PRELID2: variants seen among roughly 807,000 people sequenced by gnomAD.
PRELID2 encodes PRELI domain-containing protein 2.
A neutral mutation model predicts 28.4 loss-of-function variants in PRELID2; 25 were observed. That is an observed-to-expected ratio of 0.88 (90% CI 0.64 to 1.23). The LOEUF is 1.23. Among genes scored for constraint, PRELID2 ranks in the 50% most tolerant of loss-of-function variants. The probability of loss-of-function intolerance (pLI) is 0.00; values close to 1 mark genes in which losing one functional copy is unlikely to be tolerated. For missense variants in PRELID2, 201 were observed against 214.4 expected, an observed-to-expected ratio of 0.94 and a Z score of 0.39; for synonymous variants, 76 against 71.6, an observed-to-expected ratio of 1.06 and a Z score of -0.31.
At chr5:145,755,639 C>T (rs766070426), downstream of PRELID2, among the ~76,000 whole-genome samples, 27 of 152,178 alleles carry the variant, frequency 1.8e-4, no homozygotes, top group Admixed American at 3.3e-4. Flanking sequence ...TTTGATAGAG[C>T]TTATTCTGAG....
chr5:145,604,902 T>A (rs1753478672), intron 1 of PRELID2, among the ~76,000 whole-genome samples: 1 of 143,454 alleles, frequency 7.0e-6, no homozygotes, highest in Non-Finnish European at 1.5e-5. Flanking sequence ...TATATATATA[T>A]ATTCTATTGA....
chr5:145,478,119 A>C (rs1752120048), intron 1 of PRELID2, among the ~76,000 whole-genome samples: 1 of 152,156 alleles, frequency 6.6e-6, no homozygotes, highest in Admixed American at 6.5e-5. Context: ...TCACCACTCG[A>C]GCCCTTGTTC....
the PRELID2 span, among the ~76,000 whole-genome samples, chr5:145,317,402 C>T: frequency 1.3e-5 from 2 of 152,154 alleles, no homozygotes; most frequent in South Asian, 2.1e-4. Context: ...CAGCCTGTGG[C>T]CCCAGAGAGC....
chr5:145,471,007 A>G (rs769521808), downstream of PRELID2, among the ~76,000 whole-genome samples: 4 of 152,082 alleles, frequency 2.6e-5, no homozygotes, highest in Admixed American at 1.3e-4. Context: ...TAGTTCTTCT[A>G]GGGACACAAT....
chr5:145,710,848 A>T (rs1341549550), intron 1 of PRELID2, among the ~76,000 whole-genome samples: 1 of 152,222 alleles, frequency 6.6e-6, no homozygotes, highest in Non-Finnish European at 1.5e-5. Flanking sequence ...CAACTCATAC[A>T]CCAGAACTTA....
intron 1 of PRELID2, among the ~76,000 whole-genome samples, chr5:145,476,405 G>A (rs1312665863): frequency 1.3e-5 from 2 of 152,212 alleles, no homozygotes; most frequent in African/African-American, 4.8e-5. Flanking sequence ...AGCACTTTGG[G>A]AGGCCAAGGC....
At chr5:145,233,563 G>T in the PRELID2 span, among the ~76,000 whole-genome samples, 2 of 152,074 alleles carry the variant, frequency 1.3e-5, no homozygotes, top group Non-Finnish European at 2.9e-5. Flanking sequence ...ACTAGAAAAG[G>T]TAATCTACTC....
chr5:145,404,096 C>T, the PRELID2 span, among the ~76,000 whole-genome samples: 1 of 152,162 alleles, frequency 6.6e-6, no homozygotes, highest in Non-Finnish European at 1.5e-5. Flanking sequence ...CCTGTGACTT[C>T]TATGATCTCT....
At chr5:145,334,674 G>A in the PRELID2 span, among the ~76,000 whole-genome samples, 129 of 151,938 alleles carry the variant, frequency 8.5e-4, 1 homozygote, top group African/African-American at 2.9e-3. Flanking sequence ...AAGGTCTAGT[G>A]ATGTCAAACT....
At chr5:145,705,736 A>G (rs1171556848) in intron 1 of PRELID2, among the ~76,000 whole-genome samples, 1 of 152,212 alleles carries the variant, frequency 6.6e-6, no homozygotes, top group Non-Finnish European at 1.5e-5. Flanking sequence ...AAGCAGCTAT[A>G]GATAATATGC....
chr5:145,679,154 C>T (rs1754882476), intron 1 of PRELID2, among the ~76,000 whole-genome samples: 1 of 152,118 alleles, frequency 6.6e-6, no homozygotes, highest in African/African-American at 2.4e-5. Context: ...CCTTCTTGGC[C>T]CCTTGGGATT....
the PRELID2 span, among the ~76,000 whole-genome samples, chr5:145,340,770 C>CATATATATAT: frequency 0.028 from 3,309 of 116,260 alleles, 83 homozygotes; most frequent in East Asian, 0.05. Flanking sequence ...TAAAAATATA[C>CATATATATAT]ATATATATAT....
chr5:145,562,749 A>C (rs1263717042), intron 1 of PRELID2, among the ~76,000 whole-genome samples: 1 of 152,246 alleles, frequency 6.6e-6, no homozygotes, highest in Non-Finnish European at 1.5e-5. Flanking sequence ...ATAGGAGAAA[A>C]TCTAGATGTG....
In PRELID2 at chr5:145,563,372, A is replaced by T. The variant is rs1752940022; in HGVS notation, n.71-90057T>A. On this transcript the variant is annotated intron_variant and non_coding_transcript_variant, in intron 1 of 2. Coordinates refer to the PRELID2 transcript ENST00000510259. ...AATGTGAGCTCCTGGATCCACACAT[A>T]ACTGGAGCCACTGCCCTTGGATTGT... is the stretch of plus-strand genomic sequence containing the variant. Among the ~76,000 whole-genome samples the T allele has an allele frequency of 3.9e-5, 6 of 152,328 alleles. No homozygotes were observed. The South Asian group carries it at 1.2e-3, about 32-fold the overall frequency.
intron 1 of PRELID2, among the ~76,000 whole-genome samples, chr5:145,519,493 A>G (rs1752545622): frequency 1.3e-5 from 2 of 152,208 alleles, no homozygotes; most frequent in Admixed American, 1.3e-4. Context: ...TTTTCCTCTG[A>G]TAGTCACTTT....
chr5:145,326,410 A>G, the PRELID2 span, among the ~76,000 whole-genome samples: 239 of 152,326 alleles, frequency 1.6e-3, 5 homozygotes, highest in East Asian at 0.04. Flanking sequence ...ACTAGAATTC[A>G]TATGAAAGGT....
chr5:145,331,063 T>C, the PRELID2 span, among the ~76,000 whole-genome samples: 1 of 152,186 alleles, frequency 6.6e-6, no homozygotes, highest in Non-Finnish European at 1.5e-5. Flanking sequence ...GGTTGTTCAG[T>C]TTCTATGTAG....
chr5:145,618,434 T>C (rs1415577421), intron 1 of PRELID2, among the ~76,000 whole-genome samples: 1 of 152,214 alleles, frequency 6.6e-6, no homozygotes, highest in East Asian at 1.9e-4. Flanking sequence ...AGCCAAGCTG[T>C]ATTGATTGTT....
chr5:145,577,552 CA>C (rs1202746455), intron 1 of PRELID2, among the ~76,000 whole-genome samples: 1 of 151,130 alleles, frequency 6.6e-6, no homozygotes, highest in Non-Finnish European at 1.5e-5. Context: ...AAAATACAGT[CA>C]GAAGAAAAAG....
Sources: gnomAD v4.1 joint callset for allele counts (sites outside exome capture counted in the v4.1 genomes callset) on GRCh38, gnomAD v4.1.1 for gene constraint, MANE v1.5 for transcripts, NCBI Gene and HGNC (gene_info 2026-07-23, HGNC 2026-07-21) for gene names.